Variants in NIBAN3 observed in about 807,000 individuals in gnomAD.
NIBAN3 encodes niban apoptosis regulator 3.
A neutral mutation model predicts 76.4 loss-of-function variants in NIBAN3; 66 were observed. The ratio of observed to expected loss-of-function variants is 0.86; its 90% confidence interval spans 0.71 to 1.06. NIBAN3 has a LOEUF of 1.06. Ranked by LOEUF, NIBAN3 falls within the 50% of genes least tolerant of loss-of-function variation. The probability of loss-of-function intolerance (pLI) is 0.00; values close to 1 mark genes in which losing one functional copy is unlikely to be tolerated. For missense variants in NIBAN3, 808 were observed against 810.7 expected (o/e 1.00, Z 0.04); for synonymous variants, 360 against 355.2 (o/e 1.01, Z -0.15).
At chr19:17,550,179 C>T (rs950709330) in intron 14 of NIBAN3, among the ~76,000 whole-genome samples, 7 of 152,094 alleles carry the variant, frequency 4.6e-5, no homozygotes, top group Non-Finnish European at 8.8e-5. Context: ...TACTTCCTGT[C>T]GCCAACTTGG....
At position 17,542,253 on chromosome 19, in the gene NIBAN3, A is replaced by G. The variant is rs2075968287; in HGVS notation, c.1288A>G (p.Met430Val). 1 of 1,613,232 alleles carries G rather than the reference A, an allele frequency of 6.2e-7. No individual in the cohort carries two copies. The highest frequency in any genetic ancestry group is 1.1e-5 in the South Asian group (1 of 91,014). ...GGCAGCACCGTTTGGCTTTCTGGGG[A>G]TGCAGAGCCTCGTGTTTGGGGCCCA... ...QLAAPFGFLGMQSLVFGAQDL... is the reference protein window; with the variant it reads ...QLAAPFGFLGVQSLVFGAQDL... The change falls in exon 10 of 15, where the codon ATG (methionine) becomes GTG (valine). Residue 430 changes from methionine (M) to valine (V), a missense_variant. Met to Val is a conservative substitution (Grantham distance 21, BLOSUM62 1). Coordinates refer to ENST00000599164, the MANE Select transcript of NIBAN3 (RefSeq NM_001321827.2). The surrounding 1 kb of genome is among the most constrained non-coding windows in gnomAD (Gnocchi z 4.8).
intron 3 of NIBAN3, 64 bp from the exon 4 acceptor site, chr19:17,533,523 A>G: frequency 9.1e-7 from 1 of 1,092,984 alleles, no homozygotes; most frequent in South Asian, 1.3e-5. Context: ...TTGATGGTAT[A>G]GTTGGGACAC....
intron 5 of NIBAN3, 54 bp from the exon 6 acceptor site, chr19:17,539,096 T>C (rs1725306079): frequency 6.8e-7 from 1 of 1,476,416 alleles, no homozygotes; most frequent in African/African-American, 1.4e-5. Context: ...CCCCGGGCCA[T>C]CGGGAGCCAG....
upstream of NIBAN3, among the ~76,000 whole-genome samples, chr19:17,524,964 C>T (rs1237565648): frequency 6.6e-6 from 1 of 152,226 alleles, no homozygotes; most frequent in Admixed American, 6.5e-5. Context: ...AGATGAGTCT[C>T]CATTGGACAG....
At position 17,532,400 on chromosome 19, in the gene NIBAN3, G is replaced by A. The variant is rs1235902124; in HGVS notation, c.312+12G>A. On this transcript the variant is annotated intron_variant, in intron 3 of 14. Coordinates refer to ENST00000599164, the MANE Select transcript of NIBAN3 (RefSeq NM_001321827.2). ...TCAGCCACAAGGAGGTGCGTGATTG[G>A]CACGTGGCCTTTCTACTTCTGGGTC... The A allele has an allele frequency of 1.9e-6, 3 of 1,614,068 alleles. No individual in the cohort carries two copies. Among genetic ancestry groups the A allele is most frequent in the Non-Finnish European group, 2.5e-6 (3 of 1,180,052 alleles).
In NIBAN3 at chr19:17,553,577, T is replaced by A; in HGVS notation, c.*1679T>A. The A allele has an allele frequency of 6.2e-7, 1 of 1,603,666 alleles. No homozygotes were observed. Among genetic ancestry groups the A allele is most frequent in the Non-Finnish European group, 8.5e-7 (1 of 1,170,670 alleles). On this transcript the variant is annotated 3_prime_UTR_variant, in exon 15 of 15. Transcript: ENST00000599164. ...CCAAGACAATGAGATATTCCTGACCTTTCCACCTATTTCCCTCCAACCCCA... is the reference window on the plus strand; with the variant it reads ...CCAAGACAATGAGATATTCCTGACCATTCCACCTATTTCCCTCCAACCCCA...
In NIBAN3 at chr19:17,551,119, T is replaced by C. The variant is rs139466974; in HGVS notation, c.1751-667T>C. Among the ~76,000 whole-genome samples the C allele has an allele frequency of 4.9e-3, 742 of 152,038 alleles. 4 individuals carry two copies. The highest frequency in any genetic ancestry group is 0.017 in the African/African-American group (695 of 41,462). ...TTATTTATTTATTTATTTTTTGAGA[T>C]GGAGTGTCGCTCTGTCACCAGGCTG... On this transcript the variant is annotated intron_variant, in intron 14 of 14. Coordinates refer to ENST00000599164, the MANE Select transcript of NIBAN3 (RefSeq NM_001321827.2).
In NIBAN3 at chr19:17,542,689, C is replaced by G. The variant is rs556869103; in HGVS notation, c.1329+395C>G. Among the ~76,000 whole-genome samples the G allele has an allele frequency of 1.1e-4, 16 of 152,244 alleles. No homozygotes were observed. In the South Asian group the frequency reaches 3.3e-3, roughly 32 times the overall value. On this transcript the variant is annotated intron_variant, in intron 10 of 14. Transcript: ENST00000599164. The surrounding 1 kb of genome is among the most constrained non-coding windows in gnomAD (Gnocchi z 4.8). ...AGGCCGGCGACATGGACGGGCAGAT[C>G]GCGCAGTGCCTTGAGCGTGGGGCTA...
At chr19:17,539,522 G>A (rs2075898227) in intron 7 of NIBAN3, 71 bp downstream of exon 7, 1 of 1,461,114 alleles carries the variant, frequency 6.8e-7, no homozygotes, top group Non-Finnish European at 9.1e-7. Context: ...CACGACTGTC[G>A]CCTAAACCCT....
At chr19:17,554,793 AAG>A (rs1555767003), downstream of NIBAN3, among the ~76,000 whole-genome samples, 2 of 79,174 alleles carry the variant, frequency 2.5e-5, no homozygotes, top group African/African-American at 9.1e-5. Flanking sequence ...AAAAAAAAAA[AAG>A]AAAATAATAA....
intron 4 of NIBAN3, among the ~76,000 whole-genome samples, chr19:17,536,811 A>G (rs2075832790): frequency 6.6e-6 from 1 of 152,134 alleles, no homozygotes; most frequent in South Asian, 2.1e-4. Context: ...CACAGCTCAT[A>G]GAGCTGTGTG....
intron 11 of NIBAN3, 21 bp from the exon 12 acceptor site, chr19:17,543,503 A>G (rs756361874): frequency 1.9e-6 from 3 of 1,613,556 alleles, no homozygotes; most frequent in Non-Finnish European, 2.5e-6. Context: ...TGCTGGACGC[A>G]CCGCTGGGTG....
At position 17,537,454 on chromosome 19, in the gene NIBAN3, G is replaced by A. The variant is rs746166080; in HGVS notation, c.506G>A (p.Arg169His). 36 of 1,613,676 alleles carry A rather than the reference G, an allele frequency of 2.2e-5. No homozygotes were observed. Among genetic ancestry groups the A allele is most frequent in the South Asian group, 1.1e-4 (10 of 91,082 alleles). Reference sequence around the variant, plus strand: ...CCGCTGTTCCTGCAGCACCCCTTCCGCCGGCACCTCTGCTTCTCTGCAGCC... The same window carrying A: ...CCGCTGTTCCTGCAGCACCCCTTCCACCGGCACCTCTGCTTCTCTGCAGCC... ...SFPLFLQHPF[R>H]RHLCFSAATR... The change falls in exon 5 of 15, where the codon CGC becomes CAC. Residue 169 changes from arginine to histidine, a missense_variant. Physicochemically the swap from Arg to His is conservative, Grantham distance 29. Transcript: ENST00000599164.
chr19:17,533,731 T>C, intron 4 of NIBAN3, 30 bp downstream of exon 4: 1 of 1,509,960 alleles, frequency 6.6e-7, no homozygotes, highest in South Asian at 1.1e-5. Context: ...CAGGAACAGG[T>C]TTCTCCACCC....
intron 4 of NIBAN3, among the ~76,000 whole-genome samples, chr19:17,535,128 T>C (rs572206815): frequency 6.6e-6 from 1 of 152,266 alleles, no homozygotes; most frequent in African/African-American, 2.4e-5. Flanking sequence ...TTAAATATAT[T>C]ATGGCCTGGC....
chr19:17,554,287 C>T (rs556313161), downstream of NIBAN3, among the ~76,000 whole-genome samples: 2 of 151,752 alleles, frequency 1.3e-5, no homozygotes, highest in Non-Finnish European at 2.9e-5. Context: ...TGAGAACAGC[C>T]GGGGCAACAT....
intron 12 of NIBAN3, 108 bp from the exon 13 acceptor site, chr19:17,546,578 C>A: frequency 7.7e-6 from 10 of 1,305,232 alleles, no homozygotes; most frequent in Non-Finnish European, 8.8e-6. Context: ...AAGCCCCGCC[C>A]CCCAACCCCA....
chr19:17,536,118 G>A (rs995989352), intron 4 of NIBAN3, among the ~76,000 whole-genome samples: 1 of 152,102 alleles, frequency 6.6e-6, no homozygotes, highest in South Asian at 2.1e-4. Context: ...CGTCTCTGGG[G>A]GCTGAGGCTG....
chr19:17,530,141 G>A (rs1460518040), intron 1 of NIBAN3, among the ~76,000 whole-genome samples: 5 of 151,678 alleles, frequency 3.3e-5, no homozygotes, highest in African/African-American at 9.7e-5. Flanking sequence ...GCGAAACCTC[G>A]TCTCTACTAA....
Sources: allele counts gnomAD v4.1 joint callset (sites outside exome capture counted in the v4.1 genomes callset), GRCh38; gene constraint gnomAD v4.1.1; non-coding constraint Gnocchi (gnomAD v3.1); transcripts MANE v1.5; gene names NCBI Gene and HGNC (gene_info 2026-07-23, HGNC 2026-07-21).